Variants in ULK4 observed in about 807,000 individuals in gnomAD.
The protein encoded by ULK4 is unc-51 like kinase 4.
In ULK4, 133 loss-of-function variants were observed where a neutral mutation model predicts 160.6. The observed-to-expected ratio is 0.83, with a 90% CI of 0.72 to 0.96. The LOEUF is 0.96. ULK4 is among the 40% of genes least tolerant of loss of function. The probability of loss-of-function intolerance (pLI) is 0.00; values close to 1 mark genes in which losing one functional copy is unlikely to be tolerated. For missense variants in ULK4, 1,580 were observed against 1,499.5 expected (o/e 1.05, Z -0.89); for synonymous variants, 534 against 539.8 (o/e 0.99, Z 0.15).
intron 35 of ULK4, among the ~76,000 whole-genome samples, chr3:41,312,945 T>C (rs1261049546): frequency 1.3e-5 from 2 of 152,054 alleles, no homozygotes; most frequent in African/African-American, 4.8e-5. Context: ...GAGCTCATCA[T>C]ACAAACAAAT....
chr3:41,557,288 T>G (rs2087334464), intron 32 of ULK4, among the ~76,000 whole-genome samples: 1 of 151,908 alleles, frequency 6.6e-6, no homozygotes, highest in Non-Finnish European at 1.5e-5. Context: ...TTGAAACTTG[T>G]AAATAGACCA....
chr3:41,776,665 A>G (rs573773173), intron 21 of ULK4, among the ~76,000 whole-genome samples: 1 of 112,378 alleles, frequency 8.9e-6, no homozygotes, highest in Non-Finnish European at 2.0e-5. Context: ...CTTTTTCTGC[A>G]TCTATTGAGA....
chr3:41,332,476 T>C (rs6775334), intron 35 of ULK4, among the ~76,000 whole-genome samples: 81,369 of 152,036 alleles, frequency 0.54, 23,262 homozygotes, highest in African/African-American at 0.75. Context: ...GATGGGAAGC[T>C]AGAAATCTTA....
chr3:41,848,148 G>A (rs73830525), intron 17 of ULK4, among the ~76,000 whole-genome samples: 11,101 of 152,210 alleles, frequency 0.073, 1,277 homozygotes, highest in African/African-American at 0.24. Flanking sequence ...AGCAAGGACT[G>A]CTATCTTGTC....
chr3:41,331,118 G>A (rs1247336067), intron 35 of ULK4, among the ~76,000 whole-genome samples: 2 of 152,202 alleles, frequency 1.3e-5, no homozygotes, highest in Non-Finnish European at 2.9e-5. Context: ...CTACCCGCAA[G>A]CCAACTTGGA....
chr3:41,463,259 G>T lies in ULK4; in HGVS notation c.3227-6C>A. 1 of 1,602,178 alleles carries T rather than the reference G, an allele frequency of 6.2e-7. No homozygotes were observed. Among genetic ancestry groups the T allele is most frequent in the Non-Finnish European group, 8.5e-7 (1 of 1,173,746 alleles). On this transcript the variant is annotated splice_region_variant and splice_polypyrimidine_tract_variant and intron_variant, in intron 32 of 36. Transcript: ENST00000301831. ...ACAGATGTGACTGACAAGTCCTGAG[G>T]GTAAAAAAGGAAAAGAAAAAAACCT...
intron 35 of ULK4, among the ~76,000 whole-genome samples, chr3:41,371,988 C>T (rs1456691899): frequency 6.6e-6 from 1 of 151,108 alleles, no homozygotes; most frequent in Non-Finnish European, 1.5e-5. Flanking sequence ...ACAAGAACTT[C>T]GTGAAGCATA....
intron 18 of ULK4, among the ~76,000 whole-genome samples, chr3:41,821,030 C>A (rs1375208820): frequency 6.6e-6 from 1 of 152,174 alleles, no homozygotes; most frequent in African/African-American, 2.4e-5. Flanking sequence ...CCACCACAAC[C>A]CTTAACATCA....
chr3:41,893,591 C>T (rs1698046556), intron 16 of ULK4, among the ~76,000 whole-genome samples: 1 of 151,752 alleles, frequency 6.6e-6, no homozygotes, highest in Non-Finnish European at 1.5e-5. Flanking sequence ...AAAGCAGGCA[C>T]AAAGATTTAT....
intron 35 of ULK4, among the ~76,000 whole-genome samples, chr3:41,384,769 G>A (rs890118888): frequency 1.3e-5 from 2 of 152,150 alleles, no homozygotes; most frequent in East Asian, 1.9e-4. Flanking sequence ...ATTTTCAGTA[G>A]AGATGGAGTT....
intron 35 of ULK4, among the ~76,000 whole-genome samples, chr3:41,324,990 G>GT (rs1044764181): frequency 1.6e-4 from 24 of 152,146 alleles, no homozygotes; most frequent in African/African-American, 5.8e-4. Flanking sequence ...TCCAAAGAAG[G>GT]TAACTACCCA....
intron 21 of ULK4, among the ~76,000 whole-genome samples, chr3:41,761,057 A>AG (rs1282877457): frequency 6.6e-6 from 1 of 152,210 alleles, no homozygotes; most frequent in Admixed American, 6.5e-5. Context: ...CTATAGGGGC[A>AG]GGGAAGACAT....
intron 35 of ULK4, among the ~76,000 whole-genome samples, chr3:41,391,687 AC>A (rs1260060814): frequency 1.3e-5 from 2 of 151,956 alleles, no homozygotes; most frequent in Admixed American, 6.6e-5. Flanking sequence ...ATTTTCAGCA[AC>A]AGAACACGTC....
intron 30 of ULK4, among the ~76,000 whole-genome samples, chr3:41,642,988 C>T (rs957780745): frequency 7.9e-5 from 12 of 152,088 alleles, no homozygotes; most frequent in African/African-American, 1.7e-4. Flanking sequence ...ATAAATGTCT[C>T]CTTTTGAGAA....
At chr3:41,493,964 G>A (rs1438944844) in intron 32 of ULK4, among the ~76,000 whole-genome samples, 1 of 149,376 alleles carries the variant, frequency 6.7e-6, no homozygotes, top group East Asian at 2.0e-4. Context: ...AAGAGTCCAG[G>A]ACCAGATGGA....
At chr3:41,951,144 C>CAA (rs34524276) in intron 2 of ULK4, among the ~76,000 whole-genome samples, 2,890 of 64,190 alleles carry the variant, frequency 0.045, 263 homozygotes, top group African/African-American at 0.11. Context: ...GGCTTCGTCT[C>CAA]AAAAAAAAAA....
At chr3:41,872,903 C>G (rs972240407) in intron 17 of ULK4, among the ~76,000 whole-genome samples, 1 of 150,528 alleles carries the variant, frequency 6.6e-6, no homozygotes, top group Non-Finnish European at 1.5e-5. Context: ...GCCTGTAATC[C>G]CAGCAATTTG....
chr3:41,250,806 C>T (rs538441874), intron 35 of ULK4: 3 of 152,308 alleles, frequency 2.0e-5, no homozygotes, highest in Non-Finnish European at 2.9e-5. Flanking sequence ...ATTTGCATCT[C>T]GGAAGAGCTG....
At chr3:41,394,402 C>T (rs1226466903) in intron 35 of ULK4, among the ~76,000 whole-genome samples, 1 of 152,044 alleles carries the variant, frequency 6.6e-6, no homozygotes, top group African/African-American at 2.4e-5. Flanking sequence ...CCCAATAAAC[C>T]CATCATAATG....
Sources: gnomAD v4.1 joint callset for allele counts (sites outside exome capture counted in the v4.1 genomes callset) on GRCh38, gnomAD v4.1.1 for gene constraint, MANE v1.5 for transcripts, NCBI Gene and HGNC (gene_info 2026-07-23, HGNC 2026-07-21) for gene names.